BCAS1: variants seen among roughly 807,000 people sequenced by gnomAD.
The protein encoded by BCAS1 is brain enriched myelin associated protein 1.
BCAS1 carries 46 observed loss-of-function variants against 65.4 expected under a neutral mutation model. The ratio of observed to expected loss-of-function variants is 0.70; its 90% CI spans 0.55 to 0.90. The LOEUF (loss-of-function observed/expected upper bound fraction) is 0.90, where lower values mean the gene tolerates loss of function less well. Among genes scored for constraint, BCAS1 ranks in the 40% least tolerant of loss-of-function variants. BCAS1 has a pLI of 0.00. For missense variants in BCAS1, 793 were observed against 771.2 expected, an observed-to-expected ratio of 1.03 and a Z score of -0.33; for synonymous variants, 298 against 293.5, an observed-to-expected ratio of 1.02 and a Z score of -0.16.
At chr20:54,009,496 A>T (rs1307495371) in intron 4 of BCAS1, among the ~76,000 whole-genome samples, 1 of 152,194 alleles carries the variant, frequency 6.6e-6, no homozygotes, top group East Asian at 1.9e-4. Context: ...TGCTCAAAAA[A>T]CACAAACTAT....
chr20:54,002,600 C>T (rs1446699119), intron 4 of BCAS1, among the ~76,000 whole-genome samples: 1 of 152,016 alleles, frequency 6.6e-6, no homozygotes, highest in Non-Finnish European at 1.5e-5. Context: ...GAAGTGAGCT[C>T]CCTAAATTTG....
chr20:54,037,378 C>T (rs1034862831), intron 3 of BCAS1, among the ~76,000 whole-genome samples: 14 of 151,502 alleles, frequency 9.2e-5, no homozygotes, highest in African/African-American at 3.1e-4. Flanking sequence ...CCCCATGATC[C>T]AATCACCTCC....
intron 4 of BCAS1, among the ~76,000 whole-genome samples, chr20:54,019,935 G>A (rs1357304680): frequency 6.6e-6 from 1 of 152,128 alleles, no homozygotes; most frequent in Non-Finnish European, 1.5e-5. Context: ...TCCTCAGCTT[G>A]CAGACGGCCT....
chr20:54,070,052 C>T (rs553443381), intron 1 of BCAS1, among the ~76,000 whole-genome samples: 3 of 152,304 alleles, frequency 2.0e-5, no homozygotes, highest in Non-Finnish European at 1.5e-5. Flanking sequence ...AGATTCCACT[C>T]GGCTATGGGG....
chr20:54,070,220 C>T (rs1393781585), intron 1 of BCAS1, among the ~76,000 whole-genome samples: 3 of 152,198 alleles, frequency 2.0e-5, no homozygotes, highest in Admixed American at 2.0e-4. Flanking sequence ...TCATTTGCTC[C>T]TTGTAAAACT....
chr20:53,989,257 A>AT lies in BCAS1; in HGVS notation c.1062+3254dup, dbSNP rs202036220. Among the ~76,000 whole-genome samples the AT allele has an allele frequency of 2.4e-3, 360 of 151,650 alleles. 1 individual carries two copies. Among genetic ancestry groups the AT allele is most frequent in the African/African-American group, 8.1e-3 (335 of 41,322 alleles). ...GATCAGTTTCATAGGGAAGTGACCAATTTTTTTTTCTCTTTGCATTGGGAG... is the reference window on the plus strand; with the variant it reads ...GATCAGTTTCATAGGGAAGTGACCAATTTTTTTTTTCTCTTTGCATTGGGAG... On this transcript the variant is annotated intron_variant, in intron 7 of 12. Transcript: ENST00000688948.
At chr20:54,046,932 T>G (rs1045842871) in intron 3 of BCAS1, among the ~76,000 whole-genome samples, 3 of 151,956 alleles carry the variant, frequency 2.0e-5, no homozygotes, top group Non-Finnish European at 4.4e-5. Context: ...TGGGGTGCCT[T>G]GAAAGGATGA....
chr20:53,994,897 AC>A (rs2090862578), intron 6 of BCAS1, 114 bp downstream of exon 6: 7 of 616,134 alleles, frequency 1.1e-5, no homozygotes, highest in Non-Finnish European at 1.9e-5. Context: ...ATACACACAC[AC>A]ACACACACAC....
chr20:53,970,282 G>C (rs757754014), intron 9 of BCAS1, among the ~76,000 whole-genome samples: 7 of 152,058 alleles, frequency 4.6e-5, no homozygotes, highest in Non-Finnish European at 1.5e-5. Context: ...TATTGCAGTA[G>C]GTAAAAAAAT....
chr20:54,023,273 G>A (rs1001311131), intron 4 of BCAS1, among the ~76,000 whole-genome samples: 3 of 152,182 alleles, frequency 2.0e-5, no homozygotes, highest in South Asian at 2.1e-4. Context: ...AAATAGAAAC[G>A]TTGACTATTT....
intron 7 of BCAS1, among the ~76,000 whole-genome samples, chr20:53,987,767 A>G (rs1440418982): frequency 6.6e-6 from 1 of 152,194 alleles, no homozygotes; most frequent in African/African-American, 2.4e-5. Flanking sequence ...TCCACTCATG[A>G]AAATCAGGGA....
intron 4 of BCAS1, among the ~76,000 whole-genome samples, chr20:54,015,118 C>T (rs73622293): frequency 0.043 from 6,588 of 151,862 alleles, 318 homozygotes; most frequent in East Asian, 0.23. Context: ...CTGCAACCTC[C>T]GCCTCCCAGG....
intron 9 of BCAS1, among the ~76,000 whole-genome samples, chr20:53,974,349 G>C (rs1452831527): frequency 6.6e-6 from 1 of 152,150 alleles, no homozygotes; most frequent in Non-Finnish European, 1.5e-5. Context: ...CACTGCGAAG[G>C]TCTGTGGCTT....
At chr20:53,991,960 G>A (rs2090772041) in intron 7 of BCAS1, among the ~76,000 whole-genome samples, 1 of 152,098 alleles carries the variant, frequency 6.6e-6, no homozygotes, top group African/African-American at 2.4e-5. Context: ...GTCTGGTGAT[G>A]GTACATCTTT....
rs749290407 is a variant in BCAS1 at position 53,944,654 on chromosome 20, C to T, written c.*268G>A. 5 of 426,478 alleles carry T rather than the reference C, an allele frequency of 1.2e-5. No individual in the cohort carries two copies. Among genetic ancestry groups the T allele is most frequent in the Admixed American group, 3.5e-5 (1 of 28,784 alleles). 26.4% of individuals were successfully genotyped at this position (426,478 alleles called of 1,614,324 possible). A position where few individuals can be genotyped will look rare whatever the true frequency, so the allele number is the denominator to read the frequency against. ...TTAACCCGAACACATTCCTCTATTC[C>T]CTCCCTTTCCTGCTTGGTGATCATC... On this transcript the variant is annotated 3_prime_UTR_variant, in exon 13 of 13. Coordinates refer to ENST00000688948, the MANE Select transcript of BCAS1 (RefSeq NM_001366298.2).
chr20:53,950,438 C>T (rs36064427), intron 12 of BCAS1, among the ~76,000 whole-genome samples: 75,221 of 150,652 alleles, frequency 0.5, 19,271 homozygotes, highest in Middle Eastern at 0.58. Flanking sequence ...TAGCACACCC[C>T]GCCCCCAGAC....
chr20:54,055,020 C>T (rs1378405305), intron 3 of BCAS1, among the ~76,000 whole-genome samples: 3 of 151,886 alleles, frequency 2.0e-5, no homozygotes, highest in Non-Finnish European at 4.4e-5. Flanking sequence ...AAATATATTA[C>T]AGGTGAGAGA....
chr20:54,041,254 G>A (rs2091985617), intron 3 of BCAS1, among the ~76,000 whole-genome samples: 1 of 151,326 alleles, frequency 6.6e-6, no homozygotes, highest in Non-Finnish European at 1.5e-5. Flanking sequence ...GACGTGGAAC[G>A]ATTGCACACA....
At chr20:53,945,044 T>C (rs1354057779) in intron 12 of BCAS1, 48 bp from the exon 13 acceptor site, 2 of 1,527,916 alleles carry the variant, frequency 1.3e-6, no homozygotes, top group African/African-American at 1.4e-5. Context: ...CTCTGTAATG[T>C]CAACAGCAAC....
Sources: gnomAD v4.1 joint callset for allele counts (sites outside exome capture counted in the v4.1 genomes callset) on GRCh38, gnomAD v4.1.1 for gene constraint, MANE v1.5 for transcripts, NCBI Gene and HGNC (gene_info 2026-07-23, HGNC 2026-07-21) for gene names.